Variants in ARK2C observed in about 807,000 individuals in gnomAD.
ARK2C encodes the protein E3 ubiquitin-protein ligase ARK2C.
the ARK2C span, among the ~76,000 whole-genome samples, chr18:46,349,259 T>C: frequency 6.6e-6 from 1 of 152,138 alleles, no homozygotes; most frequent in East Asian, 1.9e-4. Flanking sequence ...TACTGGAGGC[T>C]GGGAATCCAA....
the ARK2C span, among the ~76,000 whole-genome samples, chr18:46,379,133 C>T: frequency 1.3e-5 from 2 of 152,194 alleles, no homozygotes; most frequent in African/African-American, 2.4e-5. Flanking sequence ...CTGCTGGGAG[C>T]CCCCAGGCCC....
chr18:46,442,842 A>G, the ARK2C span, among the ~76,000 whole-genome samples: 1 of 152,166 alleles, frequency 6.6e-6, no homozygotes, highest in Non-Finnish European at 1.5e-5. Context: ...AGGATATTAA[A>G]AGGATTGTCA....
At chr18:46,401,253 C>G in the ARK2C span, among the ~76,000 whole-genome samples, 1 of 152,164 alleles carries the variant, frequency 6.6e-6, no homozygotes, top group South Asian at 2.1e-4. Flanking sequence ...AGCTGTTACA[C>G]TGGCCACACC....
chr18:46,372,010 C>T, the ARK2C span, among the ~76,000 whole-genome samples: 2 of 152,216 alleles, frequency 1.3e-5, no homozygotes, highest in Non-Finnish European at 2.9e-5. Context: ...ACTGTAGGGT[C>T]CTGGATGGGC....
chr18:46,345,147 G>A, the ARK2C span, among the ~76,000 whole-genome samples: 12 of 149,020 alleles, frequency 8.1e-5, no homozygotes, highest in South Asian at 4.1e-4. Flanking sequence ...CACCTGCCAC[G>A]GAACCAGAGG....
At chr18:46,360,970 A>G in the ARK2C span, among the ~76,000 whole-genome samples, 5 of 152,370 alleles carry the variant, frequency 3.3e-5, no homozygotes, top group East Asian at 7.7e-4. Flanking sequence ...GGACGTCCAC[A>G]GAACACTGCA....
At chr18:46,352,520 C>T in the ARK2C span, among the ~76,000 whole-genome samples, 1 of 152,208 alleles carries the variant, frequency 6.6e-6, no homozygotes, top group African/African-American at 2.4e-5. Flanking sequence ...TAGCAACTCT[C>T]AGAACAGCCT....
chr18:46,449,905 T>A, the ARK2C span, among the ~76,000 whole-genome samples: 1 of 152,298 alleles, frequency 6.6e-6, no homozygotes, highest in Non-Finnish European at 1.5e-5. Context: ...CTGCCTGGGT[T>A]TGAAATCCTG....
At chr18:46,420,962 A>G in the ARK2C span, among the ~76,000 whole-genome samples, 1 of 152,208 alleles carries the variant, frequency 6.6e-6, no homozygotes, top group Non-Finnish European at 1.5e-5. Flanking sequence ...ATGACCTAAG[A>G]CGAACTCTAC....
At chr18:46,458,382 A>AC in the ARK2C span, 17 of 151,190 alleles carry the variant, frequency 1.1e-4, no homozygotes. Flanking sequence ...TTTGTGCCCC[A>AC]CCCCCCACTG....
chr18:46,390,333 G>A, the ARK2C span, among the ~76,000 whole-genome samples: 11 of 152,210 alleles, frequency 7.2e-5, no homozygotes, highest in East Asian at 1.9e-4. Context: ...CTTCCTGCCC[G>A]CTGGGTGTTG....
At chr18:46,394,893 T>A in the ARK2C span, among the ~76,000 whole-genome samples, 2 of 152,214 alleles carry the variant, frequency 1.3e-5, no homozygotes, top group Non-Finnish European at 2.9e-5. Flanking sequence ...GGATGCAGAA[T>A]AACTCTGCAA....
At chr18:46,449,149 T>C in the ARK2C span, among the ~76,000 whole-genome samples, 17 of 152,146 alleles carry the variant, frequency 1.1e-4, no homozygotes, top group South Asian at 4.2e-4. Context: ...ATTTTAAAGA[T>C]TGGAAAACTG....
chr18:46,369,154 TTTTCCCCTGTGTG>T, the ARK2C span, among the ~76,000 whole-genome samples: 1 of 152,200 alleles, frequency 6.6e-6, no homozygotes, highest in Admixed American at 6.5e-5. Flanking sequence ...CATGTTTTTG[TTTTCCCCTGTGTG>T]TATGCTCTGT....
At chr18:46,391,647 A>G in the ARK2C span, among the ~76,000 whole-genome samples, 3 of 151,778 alleles carry the variant, frequency 2.0e-5, no homozygotes, top group African/African-American at 4.8e-5. Context: ...GTTTGGTGAC[A>G]TATTAAAATG....
At chr18:46,402,315 C>T in the ARK2C span, among the ~76,000 whole-genome samples, 1,405 of 149,432 alleles carry the variant, frequency 9.4e-3, 19 homozygotes, top group African/African-American at 0.034. Flanking sequence ...TTAAAACCTC[C>T]TTCCCTCTAA....
chr18:46,435,867 A>C, the ARK2C span, among the ~76,000 whole-genome samples: 2 of 152,174 alleles, frequency 1.3e-5, no homozygotes, highest in Admixed American at 1.3e-4. Context: ...ACACAGGCTT[A>C]CATTGCATCT....
the ARK2C span, among the ~76,000 whole-genome samples, chr18:46,394,942 G>A: frequency 6.6e-6 from 1 of 152,224 alleles, no homozygotes; most frequent in African/African-American, 2.4e-5. Flanking sequence ...TCACGTATGT[G>A]GGGCTTTGCT....
chr18:46,376,670 T>TTC, the ARK2C span, among the ~76,000 whole-genome samples: 1 of 133,252 alleles, frequency 7.5e-6, no homozygotes, highest in Admixed American at 7.4e-5. Context: ...TAATCTTTTT[T>TTC]TTTTTTTTTT....
Sources: allele counts gnomAD v4.1 joint callset (sites outside exome capture counted in the v4.1 genomes callset), GRCh38; gene constraint gnomAD v4.1.1; transcripts MANE v1.5; gene names NCBI Gene and HGNC (gene_info 2026-07-23, HGNC 2026-07-21).